Variants in MPZL1 observed in about 807,000 individuals in gnomAD.
MPZL1 encodes myelin protein zero-like protein 1.
In MPZL1, 16 loss-of-function variants were observed where a neutral mutation model predicts 29.3. The ratio of observed to expected loss-of-function variants is 0.55; its 90% CI spans 0.37 to 0.83. MPZL1 has a LOEUF of 0.83. MPZL1 is among the 40% of genes least tolerant of loss of function. The pLI, the probability that MPZL1 is intolerant of heterozygous loss-of-function variation, is 0.00. For synonymous variants in MPZL1, 143 were observed against 132.0 expected, an observed-to-expected ratio of 1.08 and a Z score of -0.57; for missense variants, 279 against 332.9, an observed-to-expected ratio of 0.84 and a Z score of 1.26.
chr1:167,782,362 T>A (rs1661514649), intron 5 of MPZL1, among the ~76,000 whole-genome samples: 1 of 152,190 alleles, frequency 6.6e-6, no homozygotes, highest in Admixed American at 6.5e-5. Flanking sequence ...TGACTACGGT[T>A]TTTGTTTCTA....
intron 1 of MPZL1, among the ~76,000 whole-genome samples, chr1:167,756,852 C>G (rs1241884497): frequency 1.3e-5 from 2 of 152,018 alleles, no homozygotes; most frequent in Non-Finnish European, 2.9e-5. Context: ...GGGGTGCAGA[C>G]AGCCGGTCAT....
chr1:167,780,339 T>C (rs1183126804), intron 5 of MPZL1, among the ~76,000 whole-genome samples: 1 of 152,202 alleles, frequency 6.6e-6, no homozygotes, highest in African/African-American at 2.4e-5. Context: ...ACCAATCATA[T>C]GCTGTCTGCA....
chr1:167,782,274 A>G (rs543520978), intron 5 of MPZL1, among the ~76,000 whole-genome samples: 31 of 152,258 alleles, frequency 2.0e-4, no homozygotes, highest in Non-Finnish European at 8.8e-5. Context: ...ATTTTCAACT[A>G]TCTTATTTAA....
intron 1 of MPZL1, among the ~76,000 whole-genome samples, chr1:167,762,282 A>C (rs1661005304): frequency 6.6e-6 from 1 of 152,178 alleles, no homozygotes. Context: ...GGCAGTTGTC[A>C]GTAGTGCTGA....
rs146030646 is a variant in MPZL1 at position 167,727,951 on chromosome 1, C to G, written c.91+5709C>G. On this transcript the variant is annotated intron_variant, in intron 1 of 5. Coordinates refer to ENST00000359523, the MANE Select transcript of MPZL1 (RefSeq NM_003953.6). The stretch of plus-strand genomic sequence containing the variant: ...TGGTGCAACCTCGGCTCACAGCAAC[C>G]TCTGTCTCCCAGGTTCAGTGATTCT... Among the ~76,000 whole-genome samples, 738 of 151,424 alleles carry G rather than the reference C, an allele frequency of 4.9e-3. 7 individuals carry two copies. The highest frequency in any genetic ancestry group is 0.017 in the African/African-American group (688 of 41,004).
At chr1:167,755,505 A>G (rs1225094728) in intron 1 of MPZL1, among the ~76,000 whole-genome samples, 1 of 152,220 alleles carries the variant, frequency 6.6e-6, no homozygotes, top group Non-Finnish European at 1.5e-5. Flanking sequence ...AGAGCTTTCA[A>G]CATGTTCTTT....
intron 1 of MPZL1, among the ~76,000 whole-genome samples, chr1:167,759,894 G>C (rs951166522): frequency 1.3e-5 from 2 of 152,314 alleles, no homozygotes; most frequent in East Asian, 3.9e-4. Flanking sequence ...AATGAGGTCC[G>C]AGAGGTAGCC....
intron 1 of MPZL1, among the ~76,000 whole-genome samples, chr1:167,733,433 C>T (rs1660309911): frequency 6.6e-6 from 1 of 152,194 alleles, no homozygotes; most frequent in Non-Finnish European, 1.5e-5. Context: ...ATCTACTTTT[C>T]ACAGTCATGT....
At chr1:167,779,584 C>CA (rs111502777) in intron 5 of MPZL1, among the ~76,000 whole-genome samples, 4,794 of 133,478 alleles carry the variant, frequency 0.036, 230 homozygotes, top group African/African-American at 0.12. Context: ...GACTCCATCT[C>CA]AAAAAAAAAA....
At chr1:167,779,609 C>G (rs978911757) in intron 5 of MPZL1, among the ~76,000 whole-genome samples, 1 of 151,774 alleles carries the variant, frequency 6.6e-6, no homozygotes, top group Non-Finnish European at 1.5e-5. Flanking sequence ...TGACTCTTTA[C>G]AGCAAAAATA....
chr1:167,735,636 T>C (rs6427103), intron 1 of MPZL1, among the ~76,000 whole-genome samples: 2,009 of 152,296 alleles, frequency 0.013, 25 homozygotes, highest in Non-Finnish European at 0.02. Context: ...CAGGGTAGGC[T>C]GGCAGGCTGG....
chr1:167,724,079 G>A (rs1660094886), intron 1 of MPZL1, among the ~76,000 whole-genome samples: 1 of 152,178 alleles, frequency 6.6e-6, no homozygotes, highest in Non-Finnish European at 1.5e-5. Context: ...ACAGGTGTGT[G>A]CCACTGTGTA....
At chr1:167,744,759 T>C (rs1248963738) in intron 1 of MPZL1, among the ~76,000 whole-genome samples, 2 of 151,430 alleles carry the variant, frequency 1.3e-5, no homozygotes, top group African/African-American at 4.8e-5. Flanking sequence ...TAGACCTTAA[T>C]AAAAGTTATA....
chr1:167,785,139 G>C (rs1661567290), intron 5 of MPZL1, among the ~76,000 whole-genome samples: 1 of 152,192 alleles, frequency 6.6e-6, no homozygotes, highest in Non-Finnish European at 1.5e-5. Context: ...TCCCCATTCT[G>C]TGGATTGGTC....
chr1:167,772,194 A>C (rs1156590409), intron 2 of MPZL1, 81 bp from the exon 3 acceptor site: 1 of 1,129,404 alleles, frequency 8.9e-7, no homozygotes, highest in East Asian at 2.5e-5. Flanking sequence ...CTTTAAAAGA[A>C]CCTTTCATAG....
At chr1:167,740,736 C>T (rs1345254950) in intron 1 of MPZL1, among the ~76,000 whole-genome samples, 2 of 152,180 alleles carry the variant, frequency 1.3e-5, no homozygotes, top group Admixed American at 6.5e-5. Context: ...CCTGCATATC[C>T]GGTTACCTGC....
intron 1 of MPZL1, among the ~76,000 whole-genome samples, chr1:167,729,139 G>C (rs766458823): frequency 2.0e-5 from 3 of 151,770 alleles, no homozygotes; most frequent in Non-Finnish European, 2.9e-5. Flanking sequence ...GGGTGGTGGC[G>C]CACACCTATA....
intron 5 of MPZL1, among the ~76,000 whole-genome samples, chr1:167,781,729 A>G (rs147837822): frequency 8.5e-5 from 13 of 152,294 alleles, no homozygotes; most frequent in Admixed American, 4.6e-4. Context: ...AGAGCTGTGG[A>G]AAAATCAGCT....
At chr1:167,780,476 A>G (rs1661474633) in intron 5 of MPZL1, among the ~76,000 whole-genome samples, 1 of 152,230 alleles carries the variant, frequency 6.6e-6, no homozygotes, top group Non-Finnish European at 1.5e-5. Context: ...ACAAGAGCCA[A>G]AATACAGAAG....
Sources: allele counts gnomAD v4.1 joint callset (sites outside exome capture counted in the v4.1 genomes callset), GRCh38; gene constraint gnomAD v4.1.1; transcripts MANE v1.5; gene names NCBI Gene and HGNC (gene_info 2026-07-23, HGNC 2026-07-21).